Variants in RAB31 observed in about 807,000 individuals in gnomAD.
The protein encoded by RAB31 is ras-related protein Rab-31.
RAB31 carries 21 observed loss-of-function variants against 25.6 expected under a neutral mutation model. That is an observed-to-expected ratio of 0.82 (90% confidence interval 0.58 to 1.18). The LOEUF (loss-of-function observed/expected upper bound fraction) is 1.18. RAB31 is among the 50% of genes most tolerant of loss of function. RAB31 has a pLI of 0.00. For synonymous variants in RAB31, 87 were observed against 84.0 expected (o/e 1.04, Z -0.20); for missense variants, 196 against 250.1 (o/e 0.78, Z 1.46).
intron 2 of RAB31, among the ~76,000 whole-genome samples, chr18:9,778,486 T>G (rs2068385142): frequency 6.6e-6 from 1 of 152,176 alleles, no homozygotes; most frequent in African/African-American, 2.4e-5. Flanking sequence ...GAGACGGTAC[T>G]TGGCTCAAAA....
chr18:9,825,503 A>G (rs1338354051), intron 5 of RAB31, among the ~76,000 whole-genome samples: 1 of 152,228 alleles, frequency 6.6e-6, no homozygotes, highest in African/African-American at 2.4e-5. Context: ...ACCATAGTGC[A>G]CTTGTTAAAA....
intron 6 of RAB31, among the ~76,000 whole-genome samples, chr18:9,854,355 T>A (rs2068804824): frequency 6.6e-6 from 1 of 152,156 alleles, no homozygotes; most frequent in African/African-American, 2.4e-5. Context: ...CTCCCCTGAT[T>A]CCCCTCGTGC....
chr18:9,846,708 A>G (rs573925772), intron 6 of RAB31, among the ~76,000 whole-genome samples: 1 of 152,296 alleles, frequency 6.6e-6, no homozygotes, highest in African/African-American at 2.4e-5. Context: ...TTCCCAGAAC[A>G]GTTTTGATTT....
chr18:9,715,724 C>T (rs1027971165), intron 1 of RAB31, among the ~76,000 whole-genome samples: 3 of 151,852 alleles, frequency 2.0e-5, no homozygotes, highest in Non-Finnish European at 2.9e-5. Flanking sequence ...GTAGAGATGG[C>T]GTTTCACCAC....
chr18:9,720,674 C>CTTTT (rs796200232), intron 1 of RAB31, among the ~76,000 whole-genome samples: 5 of 134,122 alleles, frequency 3.7e-5, no homozygotes, highest in South Asian at 2.4e-4. Flanking sequence ...GTAATTTTCT[C>CTTTT]TTTTTTTTTT....
intron 1 of RAB31, among the ~76,000 whole-genome samples, chr18:9,732,555 G>A (rs1351131581): frequency 6.6e-6 from 1 of 152,212 alleles, no homozygotes; most frequent in African/African-American, 2.4e-5. Flanking sequence ...ACCCAGGCTT[G>A]TCTGACACCA....
chr18:9,712,414 C>A (rs949472764), intron 1 of RAB31, among the ~76,000 whole-genome samples: 1 of 152,236 alleles, frequency 6.6e-6, no homozygotes, highest in African/African-American at 2.4e-5. Flanking sequence ...TAGGGGGAAG[C>A]ACCCTGGGCA....
At chr18:9,855,681 C>T (rs577127519) in intron 6 of RAB31, among the ~76,000 whole-genome samples, 33 of 152,164 alleles carry the variant, frequency 2.2e-4, no homozygotes, top group South Asian at 1.0e-3. Context: ...TTAAAGGTGC[C>T]GGCCTCATTG....
chr18:9,857,840 C>T (rs191575507), intron 6 of RAB31, among the ~76,000 whole-genome samples: 253 of 144,696 alleles, frequency 1.7e-3, no homozygotes, highest in African/African-American at 5.9e-3. Flanking sequence ...CCAGCCTGGG[C>T]AACATAGCAA....
chr18:9,856,589 A>G (rs992177659), intron 6 of RAB31, among the ~76,000 whole-genome samples: 1 of 152,212 alleles, frequency 6.6e-6, no homozygotes, highest in Non-Finnish European at 1.5e-5. Context: ...GGACAGCACA[A>G]AGTTTTGATG....
intron 1 of RAB31, among the ~76,000 whole-genome samples, chr18:9,720,959 G>C (rs1254271117): frequency 1.3e-5 from 2 of 152,122 alleles, no homozygotes; most frequent in Admixed American, 1.3e-4. Context: ...GTAGTGCTGT[G>C]CTTTCACCTG....
chr18:9,714,119 A>G (rs2068032058), intron 1 of RAB31, among the ~76,000 whole-genome samples: 1 of 152,220 alleles, frequency 6.6e-6, no homozygotes, highest in South Asian at 2.1e-4. Flanking sequence ...TGAGTGTGAT[A>G]TATCCTTTAG....
At chr18:9,788,706 C>G (rs548908029) in intron 2 of RAB31, among the ~76,000 whole-genome samples, 23 of 152,244 alleles carry the variant, frequency 1.5e-4, no homozygotes, top group Non-Finnish European at 2.6e-4. Flanking sequence ...TGGCTCACAC[C>G]TGTAATCCCA....
chr18:9,777,723 T>A (rs896624041), intron 2 of RAB31, among the ~76,000 whole-genome samples: 11 of 151,478 alleles, frequency 7.3e-5, no homozygotes, highest in Non-Finnish European at 1.5e-4. Context: ...TGTTTAAAAA[T>A]TTTTTTAAAA....
intron 5 of RAB31, among the ~76,000 whole-genome samples, 187 bp from the exon 6 acceptor site, chr18:9,845,395 C>A (rs2068756143): frequency 6.6e-6 from 1 of 152,158 alleles, no homozygotes; most frequent in Non-Finnish European, 1.5e-5. Context: ...TTCATGAATG[C>A]CAGAGACTGG....
intron 1 of RAB31, among the ~76,000 whole-genome samples, chr18:9,734,275 G>T (rs2068139270): frequency 6.6e-6 from 1 of 152,152 alleles, no homozygotes; most frequent in Non-Finnish European, 1.5e-5. Flanking sequence ...TTGTGCAATT[G>T]AGATGGAAGC....
At chr18:9,770,272 C>T (rs971512396) in intron 1 of RAB31, among the ~76,000 whole-genome samples, 4 of 152,128 alleles carry the variant, frequency 2.6e-5, no homozygotes, top group Admixed American at 1.3e-4. Flanking sequence ...GTTAGCAGCT[C>T]CTCCTTGTAG....
intron 2 of RAB31, chr18:9,787,461 C>T (rs980041854): frequency 3.6e-5 from 6 of 166,500 alleles, no homozygotes; most frequent in Non-Finnish European, 7.0e-5. Context: ...ACAAGGTTTT[C>T]GGTCACAATT....
chr18:9,760,227 G>A (rs1213937291), intron 1 of RAB31, among the ~76,000 whole-genome samples: 2 of 151,104 alleles, frequency 1.3e-5, no homozygotes, highest in East Asian at 3.9e-4. Context: ...AGGCTGGAGT[G>A]TAATGGCACA....
Sources: gnomAD v4.1 joint callset for allele counts (sites outside exome capture counted in the v4.1 genomes callset) on GRCh38, gnomAD v4.1.1 for gene constraint, MANE v1.5 for transcripts, NCBI Gene and HGNC (gene_info 2026-07-23, HGNC 2026-07-21) for gene names.